The following PHLPP1 variants were observed in gnomAD, a reference collection of about 807,000 sequenced individuals.
PHLPP1 encodes the protein PH domain leucine-rich repeat-containing protein phosphatase 1.
A neutral mutation model predicts 117.2 loss-of-function variants in PHLPP1; 42 were observed. That is an observed-to-expected ratio of 0.36 (90% CI 0.28 to 0.46). The LOEUF is 0.46. Among genes scored for constraint, PHLPP1 ranks in the 20% least tolerant of loss-of-function variants. PHLPP1 has a pLI of 1.00. For missense variants in PHLPP1, 2,084 were observed against 2,241.9 expected, an observed-to-expected ratio of 0.93 and a Z score of 1.42; for synonymous variants, 1,042 against 970.7, an observed-to-expected ratio of 1.07 and a Z score of -1.37.
intron 1 of PHLPP1, among the ~76,000 whole-genome samples, chr18:62,808,182 A>G (rs549427017): frequency 5.9e-5 from 9 of 152,320 alleles, no homozygotes; most frequent in Admixed American, 3.3e-4. Flanking sequence ...CACTCAATGA[A>G]TGGAATCATC....
At chr18:62,857,413 G>A (rs551908356) in intron 3 of PHLPP1, among the ~76,000 whole-genome samples, 2 of 152,050 alleles carry the variant, frequency 1.3e-5, no homozygotes, top group Non-Finnish European at 2.9e-5. Context: ...TTTCTTTCCT[G>A]GTTTCAGAAT....
At chr18:62,736,552 TTG>T (rs1330499205) in intron 1 of PHLPP1, among the ~76,000 whole-genome samples, 1 of 152,116 alleles carries the variant, frequency 6.6e-6, no homozygotes, top group East Asian at 1.9e-4. Flanking sequence ...AAGCAACAGA[TTG>T]TGTAGCGGAT....
chr18:62,907,549 G>T (rs1471572257), intron 8 of PHLPP1, among the ~76,000 whole-genome samples: 2 of 140,054 alleles, frequency 1.4e-5, no homozygotes, highest in East Asian at 4.1e-4. Context: ...TGGAAGAAAG[G>T]GTATCAGCAA....
intron 12 of PHLPP1, among the ~76,000 whole-genome samples, chr18:62,949,261 GA>G (rs1910384684): frequency 6.6e-6 from 1 of 152,162 alleles, no homozygotes; most frequent in Non-Finnish European, 1.5e-5. Flanking sequence ...GACATTAAAA[GA>G]AAGTGATTAT....
intron 1 of PHLPP1, among the ~76,000 whole-genome samples, chr18:62,813,913 T>C (rs868194630): frequency 9.2e-5 from 14 of 152,226 alleles, no homozygotes; most frequent in African/African-American, 3.4e-4. Context: ...TAAAAGTTCA[T>C]GGCTCATTTT....
At chr18:62,851,874 TTTTTC>T (rs1226708226) in intron 3 of PHLPP1, among the ~76,000 whole-genome samples, 3 of 152,068 alleles carry the variant, frequency 2.0e-5, no homozygotes, top group Non-Finnish European at 2.9e-5. Context: ...TGCGTAATCT[TTTTTC>T]TTTTCTTTTT....
intron 1 of PHLPP1, among the ~76,000 whole-genome samples, chr18:62,815,674 A>G (rs1278745979): frequency 6.6e-6 from 1 of 152,220 alleles, no homozygotes; most frequent in Non-Finnish European, 1.5e-5. Flanking sequence ...TAGTTTCAGA[A>G]TTCACAAGCT....
intron 4 of PHLPP1, among the ~76,000 whole-genome samples, chr18:62,867,305 A>G (rs1446900612): frequency 6.6e-6 from 1 of 152,106 alleles, no homozygotes; most frequent in Non-Finnish European, 1.5e-5. Flanking sequence ...ACTCATTACT[A>G]TGGAAGATAA....
chr18:62,817,719 T>C (rs1374591250), intron 1 of PHLPP1, among the ~76,000 whole-genome samples: 1 of 152,034 alleles, frequency 6.6e-6, no homozygotes, highest in African/African-American at 2.4e-5. Context: ...TCCACAAACC[T>C]TGAGCACATG....
intron 1 of PHLPP1, among the ~76,000 whole-genome samples, chr18:62,826,742 C>G (rs1389377563): frequency 6.6e-6 from 1 of 152,108 alleles, no homozygotes; most frequent in Non-Finnish European, 1.5e-5. Context: ...GTGGTTCATG[C>G]CTGTAATCCC....
At chr18:62,757,332 T>A (rs1237587957) in intron 1 of PHLPP1, among the ~76,000 whole-genome samples, 1 of 152,270 alleles carries the variant, frequency 6.6e-6, no homozygotes, top group Non-Finnish European at 1.5e-5. Flanking sequence ...TTAATTAGTT[T>A]TTATTTCATT....
Position 62,766,076 on chromosome 18 carries a change from A to AAAAAAAAAAATAT in PHLPP1, c.1576+48818_1576+48819insAAAAAAAAATATA. On this transcript the variant is annotated intron_variant, in intron 1 of 16. Coordinates refer to ENST00000262719, the MANE Select transcript of PHLPP1 (RefSeq NM_194449.4). Reference sequence around the variant, plus strand: ...ACTCCATCTCAAAAAAAAAAAAAAAAATATATATATATATATATATATATA... The same window carrying AAAAAAAAAAATAT: ...ACTCCATCTCAAAAAAAAAAAAAAAAAAAAAAAAAATATATATATATATATATATATATATATA... 5.4e-3 allele frequency among the ~76,000 whole-genome samples: 117 copies of AAAAAAAAAAATAT among 21,658 alleles called. 2 individuals carry two copies. Among genetic ancestry groups the AAAAAAAAAAATAT allele is most frequent in the Non-Finnish European group, 8.6e-3 (101 of 11,796 alleles). 14.2% of individuals were successfully genotyped at this position (21,658 alleles called of 152,430 possible).
At chr18:62,929,119 A>G (rs1049138883) in intron 10 of PHLPP1, among the ~76,000 whole-genome samples, 30 of 152,182 alleles carry the variant, frequency 2.0e-4, no homozygotes, top group African/African-American at 7.2e-4. Context: ...CACAATTTAA[A>G]AGGGTATATT....
At chr18:62,893,096 C>T (rs1916467863) in intron 4 of PHLPP1, among the ~76,000 whole-genome samples, 1 of 150,426 alleles carries the variant, frequency 6.6e-6, no homozygotes, top group Admixed American at 6.6e-5. Flanking sequence ...GGCTGGAGTG[C>T]AGAGGCGTGA....
chr18:62,904,216 A>G (rs111806304), intron 7 of PHLPP1, among the ~76,000 whole-genome samples: 72 of 152,364 alleles, frequency 4.7e-4, no homozygotes, highest in African/African-American at 1.6e-3. Flanking sequence ...GGAAGAAAGA[A>G]TCTGAATGTG....
intron 8 of PHLPP1, among the ~76,000 whole-genome samples, chr18:62,912,440 T>A (rs1916983072): frequency 6.6e-6 from 1 of 151,858 alleles, no homozygotes; most frequent in African/African-American, 2.4e-5. Context: ...ACCTATCAGA[T>A]AATTTTATTT....
At chr18:62,727,306 C>T (rs1268867597) in intron 1 of PHLPP1, among the ~76,000 whole-genome samples, 1 of 150,886 alleles carries the variant, frequency 6.6e-6, no homozygotes, top group Non-Finnish European at 1.5e-5. Flanking sequence ...GTTCTTTCTT[C>T]ACTGATTTAA....
intron 4 of PHLPP1, among the ~76,000 whole-genome samples, chr18:62,879,244 G>A (rs1916116837): frequency 3.9e-5 from 6 of 152,336 alleles, no homozygotes; most frequent in Admixed American, 3.9e-4. Flanking sequence ...AGGGCCTGAG[G>A]CTGTGAGTTT....
intron 12 of PHLPP1, among the ~76,000 whole-genome samples, chr18:62,952,803 A>G (rs748324650): frequency 2.2e-4 from 34 of 152,152 alleles, no homozygotes; most frequent in Non-Finnish European, 4.1e-4. Flanking sequence ...CTTAAAATTT[A>G]TGCGGAGATG....
Sources: allele counts gnomAD v4.1 joint callset (sites outside exome capture counted in the v4.1 genomes callset), GRCh38; gene constraint gnomAD v4.1.1; transcripts MANE v1.5; gene names NCBI Gene and HGNC (gene_info 2026-07-23, HGNC 2026-07-21).